The following LTBP1 variants were observed in gnomAD, a reference collection of about 807,000 sequenced individuals.
The protein encoded by LTBP1 is latent-transforming growth factor beta-binding protein 1.
A neutral mutation model predicts 207.6 loss-of-function variants in LTBP1; 129 were observed. The ratio of observed to expected loss-of-function variants is 0.62; its 90% confidence interval spans 0.54 to 0.72. The LOEUF (loss-of-function observed/expected upper bound fraction) is 0.72, where lower values mean the gene tolerates loss of function less well. LTBP1 is among the 30% of genes least tolerant of loss of function. LTBP1 has a pLI of 0.00. For synonymous variants in LTBP1, 963 were observed against 833.7 expected, an observed-to-expected ratio of 1.16 and a Z score of -2.67; for missense variants, 2,281 against 2,217.2, an observed-to-expected ratio of 1.03 and a Z score of -0.58.
chr2:33,272,029 G>A (rs2093332530), intron 15 of LTBP1, among the ~76,000 whole-genome samples: 2 of 152,164 alleles, frequency 1.3e-5, no homozygotes, highest in Admixed American at 1.3e-4. Context: ...GTAAATACAT[G>A]GGGTGTGCAT....
At chr2:33,017,260 T>G (rs997621738) in intron 2 of LTBP1, among the ~76,000 whole-genome samples, 1 of 152,236 alleles carries the variant, frequency 6.6e-6, no homozygotes, top group African/African-American at 2.4e-5. Context: ...TTCAGTAGCC[T>G]AAAAGCAATT....
At position 32,998,547 on chromosome 2, in the gene LTBP1, G is replaced by A. The variant is rs866256882; in HGVS notation, c.566-22362G>A. ...AAAAAAAAAAAAAAAAAAAAAAAAA[G>A]GTTGTTATGAACTGAATGTTTGTGT... On this transcript the variant is annotated intron_variant, in intron 2 of 33. Transcript: ENST00000404816. Among the ~76,000 whole-genome samples the A allele has an allele frequency of 4.7e-5, 6 of 126,796 alleles. No individual in the cohort carries two copies. The South Asian group carries it at 1.1e-3, about 24-fold the overall frequency. 83.2% of individuals were successfully genotyped at this position (126,796 alleles called of 152,430 possible).
At chr2:33,167,647 A>G (rs2085048108) in intron 5 of LTBP1, among the ~76,000 whole-genome samples, 1 of 152,228 alleles carries the variant, frequency 6.6e-6, no homozygotes, top group East Asian at 1.9e-4. Flanking sequence ...ATGCTTCAGC[A>G]GAGGTGTGGG....
chr2:33,116,732 G>T (rs1187700317), intron 4 of LTBP1, among the ~76,000 whole-genome samples: 2 of 150,618 alleles, frequency 1.3e-5, no homozygotes. Context: ...TAACATGGGG[G>T]AGAGAGAGAG....
chr2:33,015,505 C>T (rs561862333), intron 2 of LTBP1, among the ~76,000 whole-genome samples: 2 of 152,246 alleles, frequency 1.3e-5, no homozygotes, highest in South Asian at 4.2e-4. Flanking sequence ...GCATAAGTCA[C>T]TTAACTGACC....
At chr2:33,116,015 A>T (rs2080726926) in intron 4 of LTBP1, among the ~76,000 whole-genome samples, 1 of 152,216 alleles carries the variant, frequency 6.6e-6, no homozygotes, top group Non-Finnish European at 1.5e-5. Context: ...AGGTGTATTT[A>T]TCATCAGGGT....
chr2:33,062,082 TACA>T (rs940187203), intron 3 of LTBP1, among the ~76,000 whole-genome samples: 9 of 152,320 alleles, frequency 5.9e-5, no homozygotes, highest in African/African-American at 2.2e-4. Flanking sequence ...GCTTTTAATG[TACA>T]TATTAACCAT....
chr2:33,129,356 C>T (rs2081621701), intron 4 of LTBP1, among the ~76,000 whole-genome samples: 1 of 152,164 alleles, frequency 6.6e-6, no homozygotes, highest in Admixed American at 6.5e-5. Flanking sequence ...CACTTGCTGT[C>T]GGCATTCCAG....
At chr2:33,093,908 C>T (rs201068704) in intron 3 of LTBP1, among the ~76,000 whole-genome samples, 63 of 152,114 alleles carry the variant, frequency 4.1e-4, no homozygotes, top group East Asian at 3.3e-3. Flanking sequence ...ATAACTAGTT[C>T]TTTTTATTTT....
chr2:32,954,841 G>A (rs1435089909), intron 2 of LTBP1, among the ~76,000 whole-genome samples: 3 of 152,152 alleles, frequency 2.0e-5, no homozygotes, highest in African/African-American at 7.2e-5. Context: ...ATCTGTGACT[G>A]TGGATCTAAT....
At chr2:33,021,414 A>T (rs1276296536) in intron 3 of LTBP1, among the ~76,000 whole-genome samples, 1 of 152,220 alleles carries the variant, frequency 6.6e-6, no homozygotes, top group East Asian at 1.9e-4. Context: ...CCTCTGCAGG[A>T]AATTTTACCA....
At chr2:33,361,378 T>C (rs1317990803) in intron 27 of LTBP1, 51 bp from the exon 28 acceptor site, 2 of 1,239,560 alleles carry the variant, frequency 1.6e-6, no homozygotes, top group East Asian at 2.4e-5. Flanking sequence ...GAAACATGCA[T>C]TCATGGAAGA....
chr2:32,948,097 G>T (rs1248569827), intron 1 of LTBP1, among the ~76,000 whole-genome samples: 1 of 152,236 alleles, frequency 6.6e-6, no homozygotes, highest in African/African-American at 2.4e-5. Flanking sequence ...CCTTCTGCGC[G>T]CAAACCCAAC....
In LTBP1 at chr2:32,999,449, A is replaced by G. The variant is rs1227557740; in HGVS notation, c.566-21460A>G. Among the ~76,000 whole-genome samples the G allele has an allele frequency of 6.6e-5, 9 of 136,266 alleles. 2 individuals carry two copies. The highest frequency in any genetic ancestry group is 2.0e-4 in the African/African-American group (8 of 39,078). 89.4% of individuals were successfully genotyped at this position (136,266 alleles called of 152,430 possible). On this transcript the variant is annotated intron_variant, in intron 2 of 33. Transcript: ENST00000404816. ...GAGTTGGTGCCTAGATTGGAGCCCAATTTTCACACCTAAAGGATAAGACTG... is the reference window on the plus strand; with the variant it reads ...GAGTTGGTGCCTAGATTGGAGCCCAGTTTTCACACCTAAAGGATAAGACTG...
chr2:33,355,435 TA>T (rs2094846125), intron 26 of LTBP1, among the ~76,000 whole-genome samples: 2 of 152,188 alleles, frequency 1.3e-5, no homozygotes, highest in South Asian at 4.1e-4. Flanking sequence ...AGATGACTCA[TA>T]ATACATAATA....
chr2:33,207,409 A>C (rs1027070568), intron 7 of LTBP1, among the ~76,000 whole-genome samples: 1 of 152,196 alleles, frequency 6.6e-6, no homozygotes, highest in Non-Finnish European at 1.5e-5. Flanking sequence ...TTGTAAAATC[A>C]ATAGCCTGAA....
At chr2:33,099,186 A>G (rs1350900244) in intron 3 of LTBP1, among the ~76,000 whole-genome samples, 1 of 152,230 alleles carries the variant, frequency 6.6e-6, no homozygotes, top group East Asian at 1.9e-4. Flanking sequence ...AAGCCCTAAA[A>G]GGGGATTGGA....
intron 3 of LTBP1, among the ~76,000 whole-genome samples, chr2:33,075,749 C>CT (rs1266796601): frequency 1.3e-5 from 2 of 152,140 alleles, no homozygotes; most frequent in Admixed American, 6.5e-5. Flanking sequence ...ATTTAATACT[C>CT]TAAGTAAGTG....
At chr2:33,004,786 A>AAATATATATATAT (rs1686542350) in intron 2 of LTBP1, among the ~76,000 whole-genome samples, 1 of 101,130 alleles carries the variant, frequency 9.9e-6, no homozygotes, top group African/African-American at 3.5e-5. Context: ...AAAAAAAAGG[A>AAATATATATATAT]ATATATATAT....
Sources: gnomAD v4.1 joint callset for allele counts (sites outside exome capture counted in the v4.1 genomes callset) on GRCh38, gnomAD v4.1.1 for gene constraint, MANE v1.5 for transcripts, NCBI Gene and HGNC (gene_info 2026-07-23, HGNC 2026-07-21) for gene names.